Variants in WAC observed in about 807,000 individuals in gnomAD.
The protein encoded by WAC is WW domain-containing adapter protein with coiled-coil.
In WAC, 11 loss-of-function variants were observed where a neutral mutation model predicts 79.6. That is an observed-to-expected ratio of 0.14 (90% CI 0.09 to 0.23). WAC has a LOEUF of 0.23. WAC is among the 10% of genes least tolerant of loss of function. The pLI, the probability that WAC is intolerant of heterozygous loss-of-function variation, is 1.00. For missense variants in WAC, 728 were observed against 773.5 expected, an observed-to-expected ratio of 0.94 and a Z score of 0.70; for synonymous variants, 304 against 276.9, an observed-to-expected ratio of 1.10 and a Z score of -0.97.
At position 28,545,659 on chromosome 10, in the gene WAC, A is replaced by G. The variant is rs186386557; in HGVS notation, c.274+9902A>G. Among the ~76,000 whole-genome samples the G allele has an allele frequency of 1.9e-3, 284 of 152,304 alleles. 1 individual carries two copies. Among genetic ancestry groups the G allele is most frequent in the Non-Finnish European group, 3.0e-3 (205 of 68,018 alleles). On this transcript the variant is annotated intron_variant, in intron 3 of 13. Coordinates refer to ENST00000354911, the MANE Select transcript of WAC (RefSeq NM_016628.5). ...GAGTGGTTATTTGGCAAATTGTGTA[A>G]TGTGTTCTTGTTTTAAAGAATTCTC...
chr10:28,534,361 T>G (rs957850601), intron 2 of WAC: 16 of 270,186 alleles, frequency 5.9e-5, no homozygotes, highest in African/African-American at 3.5e-4. Flanking sequence ...CTTACGAGGC[T>G]TATTTATTTA....
intron 3 of WAC, among the ~76,000 whole-genome samples, chr10:28,570,149 A>G (rs1266504034): frequency 6.6e-6 from 1 of 152,228 alleles, no homozygotes; most frequent in Non-Finnish European, 1.5e-5. Flanking sequence ...CTGCTGTAAT[A>G]CGCTACCTTT....
intron 1 of WAC, 51 bp downstream of exon 1, chr10:28,533,671 G>C (rs765957281): frequency 6.6e-7 from 1 of 1,515,016 alleles, no homozygotes; most frequent in African/African-American, 1.5e-5. Context: ...GCGGCGGCGG[G>C]GGGGCTGTTC....
intron 7 of WAC, among the ~76,000 whole-genome samples, chr10:28,604,699 G>A (rs1840849113): frequency 1.3e-5 from 2 of 152,164 alleles, no homozygotes; most frequent in African/African-American, 4.8e-5. Flanking sequence ...CGGCCTGGGT[G>A]ACAGAGAACG....
intron 3 of WAC, among the ~76,000 whole-genome samples, chr10:28,555,021 A>G (rs1466692502): frequency 6.6e-6 from 1 of 152,176 alleles, no homozygotes; most frequent in Non-Finnish European, 1.5e-5. Flanking sequence ...AGTGTCTGAA[A>G]CAGAATTGTG....
intron 3 of WAC, among the ~76,000 whole-genome samples, chr10:28,542,432 A>G (rs1489897978): frequency 2.0e-5 from 3 of 152,224 alleles, no homozygotes; most frequent in African/African-American, 4.8e-5. Context: ...ACAGTAACCA[A>G]AAACATTGTC....
chr10:28,560,428 A>G (rs950591647), intron 3 of WAC, among the ~76,000 whole-genome samples: 1 of 152,010 alleles, frequency 6.6e-6, no homozygotes, highest in Non-Finnish European at 1.5e-5. Context: ...TTGCTTATTG[A>G]GATGAGGAAG....
chr10:28,534,673 A>C (rs1836521902), intron 2 of WAC, among the ~76,000 whole-genome samples: 1 of 152,340 alleles, frequency 6.6e-6, no homozygotes, highest in Non-Finnish European at 1.5e-5. Flanking sequence ...TTATGATGAA[A>C]GTGGCCCCAA....
intron 3 of WAC, among the ~76,000 whole-genome samples, chr10:28,566,352 GTAAA>G (rs1282654521): frequency 6.6e-6 from 1 of 152,126 alleles, no homozygotes; most frequent in African/African-American, 2.4e-5. Flanking sequence ...TATATTTTGA[GTAAA>G]TATTTACTGT....
chr10:28,579,445 A>G (rs1839418979), intron 3 of WAC, among the ~76,000 whole-genome samples: 1 of 152,168 alleles, frequency 6.6e-6, no homozygotes, highest in African/African-American at 2.4e-5. Flanking sequence ...TCTGAGTTCA[A>G]GTTTTATGCG....
rs1841201727 is a variant in WAC at position 28,610,821 on chromosome 10, G to C, written c.1288G>C (p.Ala430Pro). 1 of 1,600,822 alleles carries C rather than the reference G, an allele frequency of 6.2e-7. No homozygotes were observed. The highest frequency in any genetic ancestry group is 1.3e-5 in the African/African-American group (1 of 74,092). The change falls in exon 9 of 14, where the codon GCC becomes CCC. Residue 430 changes from alanine to proline, a missense_variant and splice_region_variant. This residue lies in a region of WAC where 648 missense variants were observed against 661.5 expected (regional missense o/e 0.98). Coordinates refer to ENST00000354911, the MANE Select transcript of WAC (RefSeq NM_016628.5). ...TCAAGCTGCTCAGCTCTCTACACAA[G>C]GTATTCTTACTCATCTTAGATATCT... ...ISQAAQLSTQ[A>P]QPSNQSPMSL...
chr10:28,581,355 G>A (rs890168097), intron 3 of WAC, among the ~76,000 whole-genome samples: 2 of 146,672 alleles, frequency 1.4e-5, no homozygotes, highest in African/African-American at 2.5e-5. Context: ...CTCAGTAGTC[G>A]GGACTAGTGC....
In WAC at chr10:28,545,203, A is replaced by G. The variant is rs1837287846; in HGVS notation, c.274+9446A>G. Among the ~76,000 whole-genome samples the G allele has an allele frequency of 1.3e-5, 2 of 152,198 alleles. 1 individual carries two copies. ...TAGTTGATGGAGCCTAGAAAACTGA[A>G]TTTTTAGGCCGGGCACAGTGGGTCA... On this transcript the variant is annotated intron_variant, in intron 3 of 13. Coordinates refer to ENST00000354911, the MANE Select transcript of WAC (RefSeq NM_016628.5).
chr10:28,561,177 T>G (rs889014504), intron 3 of WAC, among the ~76,000 whole-genome samples: 3 of 152,198 alleles, frequency 2.0e-5, no homozygotes, highest in Non-Finnish European at 2.9e-5. Flanking sequence ...TGGGAATATT[T>G]CAAAATATTT....
intron 3 of WAC, among the ~76,000 whole-genome samples, chr10:28,541,156 T>A (rs1197013005): frequency 6.6e-6 from 1 of 152,134 alleles, no homozygotes; most frequent in Non-Finnish European, 1.5e-5. Context: ...TATTTAAAAT[T>A]TTTGGTGTAA....
Position 28,621,048 on chromosome 10 carries a change from C to T in WAC, c.*1442C>T, listed in dbSNP as rs969042856. 6.6e-6 allele frequency: 1 copy of T among 152,016 alleles called. No homozygotes were observed. The highest frequency in any genetic ancestry group is 2.4e-5 in the African/African-American group (1 of 41,388). 9.4% of individuals were successfully genotyped at this position (152,016 alleles called of 1,614,324 possible). ...TGAAATATTAGTCACATAGCCTTAG[C>T]TTCACACTGCCAGTAATGTATCAAA... On this transcript the variant is annotated 3_prime_UTR_variant, in exon 14 of 14. Transcript: ENST00000354911.
At chr10:28,538,307 G>T in intron 3 of WAC, 1 of 333,552 alleles carries the variant, frequency 3.0e-6, no homozygotes, top group South Asian at 2.2e-5. Flanking sequence ...ATTCAGGCCG[G>T]GTCAGTGGCT....
Position 28,565,303 on chromosome 10 carries a change from T to C in WAC, c.275-18096T>C, listed in dbSNP as rs183591035. Reference sequence around the variant, plus strand: ...CAGATTCTTGTGTGAACATAACTTTTTGTATCTCTGTGATAAATTCCCAAG... The same window carrying C: ...CAGATTCTTGTGTGAACATAACTTTCTGTATCTCTGTGATAAATTCCCAAG... On this transcript the variant is annotated intron_variant, in intron 3 of 13. Transcript: ENST00000354911. 1.2e-4 allele frequency among the ~76,000 whole-genome samples: 18 copies of C among 152,342 alleles called. No homozygotes were observed. The East Asian group carries it at 3.3e-3, about 28-fold the overall frequency.
At chr10:28,608,454 T>A (rs1036076870) in intron 8 of WAC, 23 bp downstream of exon 8, 6 of 1,546,926 alleles carry the variant, frequency 3.9e-6, no homozygotes, top group Admixed American at 4.0e-5. Flanking sequence ...AACAGTTTTT[T>A]AAAAATTTAT....
Sources: allele counts gnomAD v4.1 joint callset (sites outside exome capture counted in the v4.1 genomes callset), GRCh38; gene constraint gnomAD v4.1.1; regional missense constraint gnomAD v4.1.1; transcripts MANE v1.5; gene names NCBI Gene and HGNC (gene_info 2026-07-23, HGNC 2026-07-21).